Variants in BTG4 observed in about 807,000 individuals in gnomAD.
BTG4 encodes the protein protein BTG4.
Under a neutral mutation model 19.3 loss-of-function variants are expected in BTG4, and 10 were observed. The observed-to-expected ratio is 0.52, with a 90% confidence interval of 0.32 to 0.88. The LOEUF (loss-of-function observed/expected upper bound fraction) is 0.88. Ranked by LOEUF, BTG4 falls within the 40% of genes least tolerant of loss-of-function variation. The pLI, the probability that BTG4 is intolerant of heterozygous loss-of-function variation, is 0.04. For synonymous variants in BTG4, 91 were observed against 95.7 expected (o/e 0.95, Z 0.29); for missense variants, 238 against 281.9 (o/e 0.84, Z 1.11).
Position 111,474,250 on chromosome 11 carries a change from G to A in BTG4, c.663-6569C>T, listed in dbSNP as rs998496876. On this transcript the variant is annotated intron_variant, in intron 5 of 5. Coordinates refer to the BTG4 transcript ENST00000356018. The stretch of plus-strand genomic sequence containing the variant: ...ACAGATAATAAATTTATACCTCAAC[G>A]AGTTGTCCAATGTGAATACTCCCAT... Among the ~76,000 whole-genome samples the A allele has an allele frequency of 5.3e-5, 8 of 152,122 alleles. No homozygotes were observed. The East Asian group carries it at 5.8e-4, about 11-fold the overall frequency.
chr11:111,469,964 G>C (rs1405707258), intron 5 of BTG4: 1 of 152,628 alleles, frequency 6.6e-6, no homozygotes, highest in Non-Finnish European at 1.5e-5. Context: ...ATCTCCCTTG[G>C]AGCCAGAATC....
the BTG4 span, among the ~76,000 whole-genome samples, chr11:111,394,059 A>C: frequency 6.6e-6 from 1 of 152,266 alleles, no homozygotes; most frequent in Non-Finnish European, 1.5e-5. Context: ...CAGATACTGC[A>C]TGAAAAGGCA....
At chr11:111,505,773 C>T (rs1362068843) in intron 1 of BTG4, among the ~76,000 whole-genome samples, 1 of 151,762 alleles carries the variant, frequency 6.6e-6, no homozygotes, top group Non-Finnish European at 1.5e-5. Flanking sequence ...ATTCAAACAA[C>T]TCAACAAACA....
chr11:111,469,537 T>G (rs185826158), intron 5 of BTG4, among the ~76,000 whole-genome samples: 2 of 152,280 alleles, frequency 1.3e-5, no homozygotes, highest in Admixed American at 1.3e-4. Flanking sequence ...TATGACAAAA[T>G]GCACGTACCA....
At chr11:111,395,997 A>AGACCTGAC in the BTG4 span, among the ~76,000 whole-genome samples, 1 of 152,226 alleles carries the variant, frequency 6.6e-6, no homozygotes, top group African/African-American at 2.4e-5. Context: ...AGCCCAGCCC[A>AGACCTGAC]GACCTGACGC....
chr11:111,457,764 C>G, the BTG4 span: 1 of 151,958 alleles, frequency 6.6e-6, no homozygotes, highest in Non-Finnish European at 1.5e-5. Flanking sequence ...ACCCTTGTGC[C>G]CTAGTTCCCC....
the BTG4 span, among the ~76,000 whole-genome samples, chr11:111,424,460 G>A: frequency 1.3e-5 from 2 of 152,226 alleles, no homozygotes. Flanking sequence ...TATAATTTTT[G>A]CTGTAAGATG....
chr11:111,513,268 C>T (rs541155753), upstream of BTG4, among the ~76,000 whole-genome samples: 2 of 152,362 alleles, frequency 1.3e-5, no homozygotes, highest in South Asian at 4.1e-4. Flanking sequence ...TGAAGCCCCT[C>T]CATCCATGTA....
At chr11:111,491,851 A>G (rs2135638851), downstream of BTG4, among the ~76,000 whole-genome samples, 1 of 152,296 alleles carries the variant, frequency 6.6e-6, no homozygotes, top group East Asian at 1.9e-4. Context: ...TATTATACAA[A>G]TAGACTAATA....
At chr11:111,456,330 G>A in the BTG4 span, among the ~76,000 whole-genome samples, 5 of 152,112 alleles carry the variant, frequency 3.3e-5, no homozygotes, top group East Asian at 1.9e-4. This position sits in a 1 kb window ranked among gnomAD's most constrained non-coding sequence, Gnocchi z 4.2. Context: ...ACAATGGCAC[G>A]TGGAATACTG....
intron 5 of BTG4, among the ~76,000 whole-genome samples, chr11:111,477,220 A>G (rs1191339555): frequency 6.6e-6 from 1 of 152,152 alleles, no homozygotes; most frequent in Non-Finnish European, 1.5e-5. Flanking sequence ...AATGCCACAG[A>G]TTACAAGACA....
exon 6 of BTG4, chr11:111,467,546 A>T (rs572384195): frequency 1.5e-6 from 1 of 647,550 alleles, no homozygotes. Flanking sequence ...TTTGTTTTTT[A>T]TTCTTTTCAG....
At chr11:111,408,204 TGGGGCA>T in the BTG4 span, among the ~76,000 whole-genome samples, 2 of 152,224 alleles carry the variant, frequency 1.3e-5, no homozygotes, top group Non-Finnish European at 2.9e-5. Context: ...CCACACTTGA[TGGGGCA>T]GGAGAAGCAG....
the BTG4 span, among the ~76,000 whole-genome samples, chr11:111,386,733 C>T: frequency 1.3e-5 from 2 of 152,296 alleles, no homozygotes; most frequent in African/African-American, 2.4e-5. Flanking sequence ...CCAGTTAGGA[C>T]AGTAATGGGC....
the BTG4 span, chr11:111,414,595 G>A: frequency 6.6e-6 from 1 of 152,222 alleles, no homozygotes. Flanking sequence ...ATAAGATCTG[G>A]ACAGGCTTAT....
chr11:111,407,220 AT>A, the BTG4 span, among the ~76,000 whole-genome samples: 7 of 148,576 alleles, frequency 4.7e-5, 1 homozygote, highest in South Asian at 2.1e-4. Context: ...TAGTATATAT[AT>A]ATAATATATA....
At chr11:111,460,623 A>G in the BTG4 span, among the ~76,000 whole-genome samples, 1 of 152,314 alleles carries the variant, frequency 6.6e-6, no homozygotes, top group African/African-American at 2.4e-5. Flanking sequence ...TGCACGCAGC[A>G]GAGAGACAGC....
chr11:111,417,850 G>C, the BTG4 span: 1 of 152,144 alleles, frequency 6.6e-6, no homozygotes, highest in African/African-American at 2.4e-5. Context: ...CATCTGGACT[G>C]TTTTCATGTT....
intron 5 of BTG4, among the ~76,000 whole-genome samples, chr11:111,489,014 G>A (rs545705445): frequency 1.1e-4 from 16 of 146,308 alleles, no homozygotes; most frequent in African/African-American, 3.5e-4. Context: ...GCATGGTGGT[G>A]CATGCCTGTA....
Sources: gnomAD v4.1 joint callset for allele counts (sites outside exome capture counted in the v4.1 genomes callset) on GRCh38, gnomAD v4.1.1 for gene constraint, Gnocchi (gnomAD v3.1) non-coding constraint, MANE v1.5 for transcripts, NCBI Gene and HGNC (gene_info 2026-07-23, HGNC 2026-07-21) for gene names.